Variants in DIAPH3 observed in about 807,000 individuals in gnomAD.
The protein encoded by DIAPH3 is protein diaphanous homolog 3.
Under a neutral mutation model 144.3 loss-of-function variants are expected in DIAPH3, and 117 were observed. That is an observed-to-expected ratio of 0.81 (90% CI 0.70 to 0.95). DIAPH3 has a LOEUF of 0.95. Ranked by LOEUF, DIAPH3 falls within the 40% of genes least tolerant of loss-of-function variation. The pLI is 0.00. For missense variants in DIAPH3, 1,421 were observed against 1,412.7 expected (o/e 1.01, Z -0.09); for synonymous variants, 519 against 488.9 (o/e 1.06, Z -0.81).
chr13:59,948,385 C>G (rs1481920721), intron 17 of DIAPH3, among the ~76,000 whole-genome samples: 1 of 152,142 alleles, frequency 6.6e-6, no homozygotes, highest in African/African-American at 2.4e-5. Flanking sequence ...TCCAAGAAAC[C>G]TGCTCTTAAC....
chr13:59,924,856 CCTCTT>C lies in DIAPH3; in HGVS notation c.2084_2088del (p.Glu695GlyfsTer4), dbSNP rs749068924. On this transcript the variant is annotated frameshift_variant, in exon 18 of 28. Transcript: ENST00000400324. LOFTEE classifies it high-confidence loss of function. ...ATCGATTTCTTCTCTTCAATATCTT[CCTCTT>C]CTCTTCTCTCTGTAAAACCAAGATA... 11 of 1,600,252 alleles carry C rather than the reference CCTCTT, an allele frequency of 6.9e-6. No homozygotes were observed. The East Asian group carries it at 1.4e-4, about 20-fold the overall frequency.
intron 20 of DIAPH3, among the ~76,000 whole-genome samples, chr13:59,909,938 G>A (rs1473084259): frequency 6.6e-6 from 1 of 152,098 alleles, no homozygotes; most frequent in East Asian, 1.9e-4. Context: ...TTTTTAACAA[G>A]GCATAACTTG....
At chr13:59,828,633 A>G (rs1030451847) in intron 24 of DIAPH3, among the ~76,000 whole-genome samples, 14 of 134,916 alleles carry the variant, frequency 1.0e-4, no homozygotes, top group African/African-American at 3.4e-4. Context: ...CTGGACCTCA[A>G]AAAAAAAAAA....
At chr13:59,744,952 C>T (rs1489280701) in intron 27 of DIAPH3, among the ~76,000 whole-genome samples, 1 of 152,136 alleles carries the variant, frequency 6.6e-6, no homozygotes, top group African/African-American at 2.4e-5. Context: ...AATGCTCTCA[C>T]CCTGGCCTCA....
intron 13 of DIAPH3, among the ~76,000 whole-genome samples, chr13:59,981,114 T>C (rs752736556): frequency 2.0e-5 from 3 of 151,322 alleles, no homozygotes; most frequent in Non-Finnish European, 4.4e-5. Context: ...AGATGTTCAA[T>C]TGTAATAACA....
At chr13:59,929,546 A>AT (rs1566531763) in intron 17 of DIAPH3, among the ~76,000 whole-genome samples, 6 of 123,894 alleles carry the variant, frequency 4.8e-5, no homozygotes, top group African/African-American at 1.9e-4. Flanking sequence ...CCATATCTAA[A>AT]TTTTGTTCTT....
intron 21 of DIAPH3, among the ~76,000 whole-genome samples, chr13:59,874,688 T>C (rs956829233): frequency 4.6e-5 from 7 of 152,196 alleles, no homozygotes; most frequent in African/African-American, 1.7e-4. Flanking sequence ...GTGGGATCAA[T>C]AGTTATTTGT....
chr13:59,698,735 TG>T (rs1207826332), intron 27 of DIAPH3, among the ~76,000 whole-genome samples: 2 of 152,136 alleles, frequency 1.3e-5, no homozygotes, highest in Admixed American at 1.3e-4. Flanking sequence ...TAAATCAGCT[TG>T]AAGTAATCTA....
intron 27 of DIAPH3, among the ~76,000 whole-genome samples, chr13:59,671,921 G>A (rs955753562): frequency 2.6e-5 from 4 of 152,112 alleles, no homozygotes; most frequent in Non-Finnish European, 4.4e-5. Flanking sequence ...GGTCCCACAT[G>A]ATCTTTGGCA....
At chr13:59,922,260 T>C (rs149816984) in intron 18 of DIAPH3, among the ~76,000 whole-genome samples, 39 of 152,156 alleles carry the variant, frequency 2.6e-4, no homozygotes, top group Non-Finnish European at 4.9e-4. Context: ...CTGTACTTGC[T>C]TGCAGAAAAC....
At chr13:59,947,433 G>A (rs1479958283) in intron 17 of DIAPH3, among the ~76,000 whole-genome samples, 2 of 152,062 alleles carry the variant, frequency 1.3e-5, no homozygotes, top group Non-Finnish European at 2.9e-5. Flanking sequence ...CATTGACCCT[G>A]TTACTGTACT....
intron 20 of DIAPH3, among the ~76,000 whole-genome samples, chr13:59,881,769 G>T (rs1207072808): frequency 4.6e-5 from 7 of 152,030 alleles, no homozygotes; most frequent in Admixed American, 2.6e-4. Flanking sequence ...ACAAGGCAAA[G>T]TCAGGAAATG....
chr13:60,062,202 A>G (rs1422548454), intron 4 of DIAPH3, among the ~76,000 whole-genome samples: 1 of 152,220 alleles, frequency 6.6e-6, no homozygotes, highest in Non-Finnish European at 1.5e-5. Flanking sequence ...CAGGAACTCA[A>G]AAAACATTTT....
At chr13:59,856,269 T>C (rs2139891377) in intron 22 of DIAPH3, among the ~76,000 whole-genome samples, 2 of 152,336 alleles carry the variant, frequency 1.3e-5, no homozygotes, top group South Asian at 4.1e-4. Context: ...CCATTCAGTA[T>C]AGGCTACTGT....
chr13:60,051,366 T>C (rs145449700), intron 4 of DIAPH3, among the ~76,000 whole-genome samples: 271 of 152,264 alleles, frequency 1.8e-3, no homozygotes, highest in African/African-American at 6.1e-3. Context: ...ACGCCTGTAA[T>C]CCCAACACTT....
chr13:59,821,003 T>C (rs552534051), intron 24 of DIAPH3, among the ~76,000 whole-genome samples: 1 of 152,088 alleles, frequency 6.6e-6, no homozygotes, highest in African/African-American at 2.4e-5. Flanking sequence ...ATTTAATCAT[T>C]TGAAAAAAAG....
intron 4 of DIAPH3, 63 bp downstream of exon 4, chr13:60,093,565 A>C: frequency 9.0e-7 from 1 of 1,111,512 alleles, no homozygotes; most frequent in Non-Finnish European, 1.4e-6. Context: ...CATTAGATAA[A>C]TGTGCTGTTT....
intron 27 of DIAPH3, among the ~76,000 whole-genome samples, chr13:59,673,569 A>G (rs2032490503): frequency 6.6e-6 from 1 of 152,148 alleles, no homozygotes; most frequent in Admixed American, 6.6e-5. Flanking sequence ...GGGCCCCTAG[A>G]TAGTTTATAG....
chr13:60,049,347 C>A (rs1348306544), intron 4 of DIAPH3, among the ~76,000 whole-genome samples: 1 of 152,190 alleles, frequency 6.6e-6, no homozygotes, highest in African/African-American at 2.4e-5. Context: ...CCAATAAACA[C>A]TGGGAAAGAC....
Sources: gnomAD v4.1 joint callset for allele counts (sites outside exome capture counted in the v4.1 genomes callset) on GRCh38, gnomAD v4.1.1 for gene constraint, MANE v1.5 for transcripts, NCBI Gene and HGNC (gene_info 2026-07-23, HGNC 2026-07-21) for gene names.